Variants in FZD2 observed in about 807,000 individuals in gnomAD.
FZD2 encodes the protein frizzled class receptor 2.
In FZD2, 17 loss-of-function variants were observed where a neutral mutation model predicts 36.7. The ratio of observed to expected loss-of-function variants is 0.46; its 90% CI spans 0.32 to 0.70. The LOEUF (loss-of-function observed/expected upper bound fraction) is 0.70, where lower values mean the gene tolerates loss of function less well. Ranked by LOEUF, FZD2 falls within the 30% of genes least tolerant of loss-of-function variation. The probability of loss-of-function intolerance (pLI) is 0.04; values close to 1 mark genes in which losing one functional copy is unlikely to be tolerated. For synonymous variants in FZD2, 333 were observed against 359.6 expected (o/e 0.93, Z 0.84); for missense variants, 525 against 805.6 (o/e 0.65, Z 4.22).
Position 44,557,577 on chromosome 17 carries a change from G to C in FZD2, c.-112G>C. On this transcript the variant is annotated 5_prime_UTR_variant, in exon 1 of 1. Transcript: ENST00000315323. This position sits in a 1 kb window ranked among gnomAD's most constrained non-coding sequence, Gnocchi z 4.9. ...GGCCGCGAGTAAAGTTTGCAAAGAGGCGCGGGAGGCGGCAGCCGCAGCGAG... is the reference window on the plus strand; with the variant it reads ...GGCCGCGAGTAAAGTTTGCAAAGAGCCGCGGGAGGCGGCAGCCGCAGCGAG... 1 of 675,708 alleles carries C rather than the reference G, an allele frequency of 1.5e-6. No individual in the cohort carries two copies. Among genetic ancestry groups the C allele is most frequent in the South Asian group, 3.2e-5 (1 of 31,640 alleles). The allele number at this position is 675,708 out of a possible 1,614,324, so 41.9% of individuals were successfully genotyped here.
At position 44,557,559 on chromosome 17, in the gene FZD2, A is replaced by T; in HGVS notation, c.-130A>T. On this transcript the variant is annotated 5_prime_UTR_variant, in exon 1 of 1. Coordinates refer to ENST00000315323, the MANE Select transcript of FZD2 (RefSeq NM_001466.4). The surrounding 1 kb of genome is among the most constrained non-coding windows in gnomAD (Gnocchi z 4.9). ...CGGCCTCCCCAACTCTGCGGCCGCG[A>T]GTAAAGTTTGCAAAGAGGCGCGGGA... 1.8e-6 allele frequency: 1 copy of T among 562,378 alleles called. No individual in the cohort carries two copies. Among genetic ancestry groups the T allele is most frequent in the Non-Finnish European group, 2.7e-6 (1 of 370,132 alleles). 34.8% of individuals were successfully genotyped at this position (562,378 alleles called of 1,614,324 possible).
chr17:44,558,348 T>C lies in FZD2; in HGVS notation c.660T>C (p.Asp220=), dbSNP rs35283843. The C allele has an allele frequency of 0.039, 58,427 of 1,513,546 alleles. 1,259 individuals carry two copies. The highest frequency in any genetic ancestry group is 0.053 in the Admixed American group (2,197 of 41,542). 93.8% of individuals were successfully genotyped at this position (1,513,546 alleles called of 1,614,324 possible). Residue 220 remains aspartate, a synonymous_variant, in exon 1 of 1, where the codon GAT becomes GAC. Transcript: ENST00000315323. This position sits in a 1 kb window ranked among gnomAD's most constrained non-coding sequence, Gnocchi z 9.3. ...GCTACAAGTTTCTGGGCGAGCGTGA[T>C]TGTGCTGCGCCCTGCGAACCTGCGC... ...YLSYKFLGER[D]CAAPCEPARP...
chr17:44,558,097 C>A lies in FZD2; in HGVS notation c.409C>A (p.Arg137Ser). 6.2e-7 allele frequency: 1 copy of A among 1,607,782 alleles called. No homozygotes were observed. Residue 137 changes from arginine to serine, a missense_variant, in exon 1 of 1, where the codon CGC becomes AGC. Physicochemically the swap from Arg to Ser is moderately radical, Grantham distance 110 (BLOSUM62 -1). Transcript: ENST00000315323. This position sits in a 1 kb window ranked among gnomAD's most constrained non-coding sequence, Gnocchi z 9.3. ...CGGTTTTCAGTGGCCCGAGCGCCTGCGCTGCGAGCACTTCCCGCGCCACGG... is the reference window on the plus strand; with the variant it reads ...CGGTTTTCAGTGGCCCGAGCGCCTGAGCTGCGAGCACTTCCCGCGCCACGG... ...KFGFQWPERL[R>S]CEHFPRHGAE... is the part of the protein sequence containing the mutation.
In FZD2 at chr17:44,559,199, T is replaced by A; in HGVS notation, c.1511T>A (p.Ile504Asn). The change falls in exon 1 of 1, where the codon ATC becomes AAC. Residue 504 changes from isoleucine to asparagine, a missense_variant. Around this residue, in one of 5 missense-constraint regions of FZD2, gnomAD observed 189 missense variants for 298.1 expected, o/e 0.63. Coordinates refer to ENST00000315323, the MANE Select transcript of FZD2 (RefSeq NM_001466.4). This position sits in a 1 kb window ranked among gnomAD's most constrained non-coding sequence, Gnocchi z 4.4. ...WVSQHCKSLA[I>N]PCPAHYTPRM... ...AGCCAGCACTGCAAGAGCCTGGCCA[T>A]CCCGTGCCCGGCGCACTACACGCCG... The A allele has an allele frequency of 6.2e-7, 1 of 1,613,872 alleles. No homozygotes were observed. Among genetic ancestry groups the A allele is most frequent in the East Asian group, 2.2e-5 (1 of 44,894 alleles).
rs1970866179 is a variant in FZD2, at chr17:44,559,591, T to C, written c.*205T>C. 1 of 496,764 alleles carries C rather than the reference T, an allele frequency of 2.0e-6. No individual in the cohort carries two copies. Among genetic ancestry groups the C allele is most frequent in the Non-Finnish European group, 3.0e-6 (1 of 334,162 alleles). The allele number at this position is 496,764 out of a possible 1,614,324, so 30.8% of individuals were successfully genotyped here. A position where few individuals can be genotyped will look rare whatever the true frequency, so the allele number is the denominator to read the frequency against. On this transcript the variant is annotated 3_prime_UTR_variant, in exon 1 of 1. Coordinates refer to ENST00000315323, the MANE Select transcript of FZD2 (RefSeq NM_001466.4). This position sits in a 1 kb window ranked among gnomAD's most constrained non-coding sequence, Gnocchi z 4.4. ...TAGTCTTTGTAAATTTAATTATATA[T>C]ATTTTCTATTTAAAAGAAAAAAGGA...
In FZD2 at chr17:44,558,015, G is replaced by T; in HGVS notation, c.327G>T (p.Pro109=). 6.2e-7 allele frequency: 1 copy of T among 1,613,690 alleles called. No homozygotes were observed. ...CCGTGCTGGAACAGGCCATCCCGCCGTGCCGCTCTATCTGTGAGCGCGCGC... is the reference window on the plus strand; with the variant it reads ...CCGTGCTGGAACAGGCCATCCCGCCTTGCCGCTCTATCTGTGAGCGCGCGC... ...VCTVLEQAIP[P]CRSICERARQ... is the part of the protein sequence containing the mutation. Residue 109 remains proline (P), a synonymous_variant, in exon 1 of 1, where the codon CCG becomes CCT. Transcript: ENST00000315323. This position sits in a 1 kb window ranked among gnomAD's most constrained non-coding sequence, Gnocchi z 9.3.
rs142583858 is a variant in FZD2, at chr17:44,557,810, C to G, written c.122C>G (p.Pro41Arg). Residue 41 changes from proline to arginine, a missense_variant, in exon 1 of 1, where the codon CCC (proline) becomes CGC (arginine). Coordinates refer to ENST00000315323, the MANE Select transcript of FZD2 (RefSeq NM_001466.4). The surrounding 1 kb of genome is among the most constrained non-coding windows in gnomAD (Gnocchi z 4.9). Reference protein sequence around the residue: ...ISIPDHGFCQPISIPLCTDIA... With the variant: ...ISIPDHGFCQRISIPLCTDIA... Reference sequence around the variant, plus strand: ...ATCCCGGACCACGGCTTCTGCCAGCCCATCTCCATCCCGCTGTGCACGGAC... The same window carrying G: ...ATCCCGGACCACGGCTTCTGCCAGCGCATCTCCATCCCGCTGTGCACGGAC... 1.9e-6 allele frequency: 3 copies of G among 1,613,964 alleles called. No homozygotes were observed. The highest frequency in any genetic ancestry group is 2.5e-6 in the Non-Finnish European group (3 of 1,180,002).
rs376053430 is a variant in FZD2 at position 44,558,135 on chromosome 17, C to A, written c.447C>A (p.Ile149=). ...TCCCGCGCCACGGCGCCGAGCAGAT[C>A]TGCGTCGGCCAGAACCACTCCGAGG... ...EHFPRHGAEQ[I]CVGQNHSEDG... The change falls in exon 1 of 1, where the codon ATC becomes ATA. Residue 149 remains isoleucine (I), a synonymous_variant. Coordinates refer to ENST00000315323, the MANE Select transcript of FZD2 (RefSeq NM_001466.4). The surrounding 1 kb of genome is among the most constrained non-coding windows in gnomAD (Gnocchi z 9.3). 1 of 1,606,260 alleles carries A rather than the reference C, an allele frequency of 6.2e-7. No individual in the cohort carries two copies. Among genetic ancestry groups the A allele is most frequent in the South Asian group, 1.1e-5 (1 of 90,750 alleles).
Position 44,557,502 on chromosome 17 carries a change from A to C in FZD2, c.-187A>C, listed in dbSNP as rs780817542. 3 of 492,460 alleles carry C rather than the reference A, an allele frequency of 6.1e-6. No individual in the cohort carries two copies. Among genetic ancestry groups the C allele is most frequent in the Non-Finnish European group, 1.1e-5 (3 of 269,154 alleles). The allele number at this position is 492,460 out of a possible 1,614,324, so 30.5% of individuals were successfully genotyped here. A position where few individuals can be genotyped will look rare whatever the true frequency, so the allele number is the denominator to read the frequency against. ...GCTGCTCAGTCCGACCGCGGCAAGC[A>C]AGCGGGCAGGCGCACCGCCCCCTCC... On this transcript the variant is annotated 5_prime_UTR_variant, in exon 1 of 1. Coordinates refer to ENST00000315323, the MANE Select transcript of FZD2 (RefSeq NM_001466.4). This position sits in a 1 kb window ranked among gnomAD's most constrained non-coding sequence, Gnocchi z 4.9.
chr17:44,559,692 G>T lies in FZD2; in HGVS notation c.*306G>T. On this transcript the variant is annotated 3_prime_UTR_variant, in exon 1 of 1. Coordinates refer to ENST00000315323, the MANE Select transcript of FZD2 (RefSeq NM_001466.4). This position sits in a 1 kb window ranked among gnomAD's most constrained non-coding sequence, Gnocchi z 4.4. ...GTGTTGGGGAGTGTAGTTGGGGGGA[G>T]GGTTCTCTTTCTTAAGTGCCCTTCA... is the stretch of plus-strand genomic sequence containing the variant. 1 of 172,456 alleles carries T rather than the reference G, an allele frequency of 5.8e-6. No homozygotes were observed. The highest frequency in any genetic ancestry group is 2.4e-5 in the African/African-American group (1 of 42,232). 10.7% of individuals were successfully genotyped at this position (172,456 alleles called of 1,614,324 possible).
rs1257316444 is a variant in FZD2 at position 44,560,545 on chromosome 17, T to C, written c.*1159T>C. Reference sequence around the variant, plus strand: ...AAAAGACTGGTTTATTTAAAATTTGTCCAGAAAAAAATGAAAAAAAAAAAA... The same window carrying C: ...AAAAGACTGGTTTATTTAAAATTTGCCCAGAAAAAAATGAAAAAAAAAAAA... On this transcript the variant is annotated 3_prime_UTR_variant, in exon 1 of 1. Coordinates refer to ENST00000315323, the MANE Select transcript of FZD2 (RefSeq NM_001466.4). Among the ~76,000 whole-genome samples, 1 of 110,156 alleles carries C rather than the reference T, an allele frequency of 9.1e-6. No individual in the cohort carries two copies. The highest frequency in any genetic ancestry group is 1.9e-5 in the Non-Finnish European group (1 of 51,924). The allele number at this position is 110,156 out of a possible 152,430, so 72.3% of individuals were successfully genotyped here.
chr17:44,557,768 G>C lies in FZD2; in HGVS notation c.80G>C (p.Gly27Ala). The C allele has an allele frequency of 6.2e-7, 1 of 1,612,748 alleles. No individual in the cohort carries two copies. The highest frequency in any genetic ancestry group is 2.2e-5 in the East Asian group (1 of 44,792). ...LPAAGPAQFH[G>A]EKGISIPDHG... is the part of the protein sequence containing the mutation. ...GCCGCCGGGCCGGCCCAGTTCCACGGGGAGAAGGGCATCTCCATCCCGGAC... is the reference window on the plus strand; with the variant it reads ...GCCGCCGGGCCGGCCCAGTTCCACGCGGAGAAGGGCATCTCCATCCCGGAC... The change falls in exon 1 of 1, where the codon GGG becomes GCG. Residue 27 changes from glycine (G) to alanine (A), a missense_variant. This residue lies in a region of FZD2 where 44 missense variants were observed against 43.9 expected (regional missense o/e 1.00). Coordinates refer to ENST00000315323, the MANE Select transcript of FZD2 (RefSeq NM_001466.4). This position sits in a 1 kb window ranked among gnomAD's most constrained non-coding sequence, Gnocchi z 4.9.
rs1970854534 is a variant in FZD2 at position 44,558,611 on chromosome 17, A to G, written c.923A>G (p.Glu308Gly). 6.2e-7 allele frequency: 1 copy of G among 1,613,578 alleles called. No individual in the cohort carries two copies. Among genetic ancestry groups the G allele is most frequent in the Non-Finnish European group, 8.5e-7 (1 of 1,179,734 alleles). ...FVLQERVVCN[E>G]RFSEDGYRTV... ...CTCCAGGAGCGCGTGGTGTGCAACGAGCGCTTCTCCGAGGACGGTTACCGC... is the reference window on the plus strand; with the variant it reads ...CTCCAGGAGCGCGTGGTGTGCAACGGGCGCTTCTCCGAGGACGGTTACCGC... The change falls in exon 1 of 1, where the codon GAG becomes GGG. Residue 308 changes from glutamate to glycine, a missense_variant. Physicochemically the swap from Glu to Gly is moderately conservative, Grantham distance 98. Transcript: ENST00000315323. This position sits in a 1 kb window ranked among gnomAD's most constrained non-coding sequence, Gnocchi z 9.3.
In FZD2 at chr17:44,557,495, G is replaced by C. The variant is rs1390092441; in HGVS notation, c.-194G>C. The C allele has an allele frequency of 2.1e-6, 1 of 483,976 alleles. No individual in the cohort carries two copies. Among genetic ancestry groups the C allele is most frequent in the Non-Finnish European group, 3.8e-6 (1 of 262,652 alleles). 30.0% of individuals were successfully genotyped at this position (483,976 alleles called of 1,614,324 possible). A position where few individuals can be genotyped will look rare whatever the true frequency, so the allele number is the denominator to read the frequency against. ...GTCTCCGGCTGCTCAGTCCGACCGC[G>C]GCAAGCAAGCGGGCAGGCGCACCGC... On this transcript the variant is annotated 5_prime_UTR_variant, in exon 1 of 1. Coordinates refer to ENST00000315323, the MANE Select transcript of FZD2 (RefSeq NM_001466.4). The surrounding 1 kb of genome is among the most constrained non-coding windows in gnomAD (Gnocchi z 4.9).
In FZD2 at chr17:44,560,084, C is replaced by G. The variant is rs1029908061; in HGVS notation, c.*698C>G. On this transcript the variant is annotated 3_prime_UTR_variant, in exon 1 of 1. Transcript: ENST00000315323. ...AGATCCGGTGAGGAATGGCTTCCAC[C>G]CCCTGGCCCATTCCCCTGCAGGCTG... 6.6e-6 allele frequency among the ~76,000 whole-genome samples: 1 copy of G among 152,124 alleles called. No individual in the cohort carries two copies.
chr17:44,557,758 C>T lies in FZD2; in HGVS notation c.70C>T (p.Gln24Ter). The T allele has an allele frequency of 6.2e-7, 1 of 1,611,044 alleles. No individual in the cohort carries two copies. The highest frequency in any genetic ancestry group is 2.2e-5 in the East Asian group (1 of 44,588). ...LLLLPAAGPA[Q>*]FHGEKGISIP... is the part of the protein sequence containing the mutation. ...GCTGCTGCCCGCCGCCGGGCCGGCC[C>T]AGTTCCACGGGGAGAAGGGCATCTC... The change falls in exon 1 of 1, where the codon CAG becomes TAG. Residue 24 changes from glutamine to a stop codon, truncating the protein, a stop_gained. Transcript: ENST00000315323. LOFTEE classifies it high-confidence loss of function. The surrounding 1 kb of genome is among the most constrained non-coding windows in gnomAD (Gnocchi z 4.9).
Position 44,558,967 on chromosome 17 carries a change from G to A in FZD2, c.1279G>A (p.Gly427Ser). ...LAPLFVYLFIGTSFLLAGFVS... is the reference protein window; with the variant it reads ...LAPLFVYLFISTSFLLAGFVS... ...GCCGCTCTTCGTGTACCTGTTCATC[G>A]GCACGTCCTTCCTCCTGGCCGGCTT... Residue 427 changes from glycine (G) to serine (S), a missense_variant, in exon 1 of 1, where the codon GGC becomes AGC. This residue lies in a region of FZD2 where 189 missense variants were observed against 298.1 expected (regional missense o/e 0.63). Transcript: ENST00000315323. The surrounding 1 kb of genome is among the most constrained non-coding windows in gnomAD (Gnocchi z 9.3). 2.5e-6 allele frequency: 4 copies of A among 1,614,026 alleles called. No homozygotes were observed. The highest frequency in any genetic ancestry group is 2.5e-6 in the Non-Finnish European group (3 of 1,180,018).
Position 44,558,897 on chromosome 17 carries a change from C to A in FZD2, c.1209C>A (p.Phe403Leu), listed in dbSNP as rs1459890324. 6.2e-7 allele frequency: 1 copy of A among 1,612,674 alleles called. No homozygotes were observed. Among genetic ancestry groups the A allele is most frequent in the Non-Finnish European group, 8.5e-7 (1 of 1,179,504 alleles). ...IDGDLLSGVCFVGLNSLDPLR... is the reference protein window; with the variant it reads ...IDGDLLSGVCLVGLNSLDPLR... The stretch of plus-strand genomic sequence containing the variant: ...GCGACCTGCTGAGCGGCGTGTGCTT[C>A]GTAGGCCTCAACAGCCTGGACCCGC... The change falls in exon 1 of 1, where the codon TTC becomes TTA. Residue 403 changes from phenylalanine (F) to leucine (L), a missense_variant. This residue lies in a region of FZD2 where 189 missense variants were observed against 298.1 expected (regional missense o/e 0.63). Transcript: ENST00000315323. This position sits in a 1 kb window ranked among gnomAD's most constrained non-coding sequence, Gnocchi z 9.3.
rs749968550 is a variant in FZD2, at chr17:44,557,763, C to G, written c.75C>G (p.Phe25Leu). ...TGCCCGCCGCCGGGCCGGCCCAGTT[C>G]CACGGGGAGAAGGGCATCTCCATCC... ...LLLPAAGPAQ[F>L]HGEKGISIPD... The change falls in exon 1 of 1, where the codon TTC (phenylalanine) becomes TTG (leucine). Residue 25 changes from phenylalanine to leucine, a missense_variant. Around this residue, in one of 5 missense-constraint regions of FZD2, gnomAD observed 44 missense variants for 43.9 expected, o/e 1.00. Transcript: ENST00000315323. The surrounding 1 kb of genome is among the most constrained non-coding windows in gnomAD (Gnocchi z 4.9). 5 of 1,612,070 alleles carry G rather than the reference C, an allele frequency of 3.1e-6. No individual in the cohort carries two copies. Among genetic ancestry groups the G allele is most frequent in the Non-Finnish European group, 4.2e-6 (5 of 1,179,588 alleles).
Sources: allele counts gnomAD v4.1 joint callset (sites outside exome capture counted in the v4.1 genomes callset), GRCh38; gene constraint gnomAD v4.1.1; regional missense constraint gnomAD v4.1.1; non-coding constraint Gnocchi (gnomAD v3.1); transcripts MANE v1.5; gene names NCBI Gene and HGNC (gene_info 2026-07-23, HGNC 2026-07-21).